The following LTBP1 variants were observed in gnomAD, a reference collection of about 807,000 sequenced individuals.
LTBP1 encodes latent transforming growth factor beta binding protein 1.
In LTBP1, 129 loss-of-function variants were observed where a neutral mutation model predicts 207.6. The ratio of observed to expected loss-of-function variants is 0.62; its 90% CI spans 0.54 to 0.72. The LOEUF is 0.72. Ranked by LOEUF, LTBP1 falls within the 30% of genes least tolerant of loss-of-function variation. The pLI is 0.00. For missense variants in LTBP1, 2,281 were observed against 2,217.2 expected (o/e 1.03, Z -0.58); for synonymous variants, 963 against 833.7 (o/e 1.16, Z -2.67).
At chr2:33,350,676 G>C (rs2094769075) in intron 26 of LTBP1, among the ~76,000 whole-genome samples, 1 of 152,148 alleles carries the variant, frequency 6.6e-6, no homozygotes, top group African/African-American at 2.4e-5. Flanking sequence ...TTGCCTAAAA[G>C]CATCTGAAAA....
intron 31 of LTBP1, among the ~76,000 whole-genome samples, chr2:33,383,915 G>A (rs192024457): frequency 2.6e-5 from 4 of 152,304 alleles, no homozygotes. Context: ...AAACTTCAGA[G>A]CGTTGCATTT....
chr2:33,060,833 C>T (rs1460083028), intron 3 of LTBP1, among the ~76,000 whole-genome samples: 1 of 152,032 alleles, frequency 6.6e-6, no homozygotes, highest in Non-Finnish European at 1.5e-5. Flanking sequence ...TTAAAAAACT[C>T]ATGTTATAGT....
rs534886132 is a variant in LTBP1, at chr2:32,969,025, G to A, written c.565+20080G>A. Among the ~76,000 whole-genome samples, 6 of 150,212 alleles carry A rather than the reference G, an allele frequency of 4.0e-5. No homozygotes were observed. In the East Asian group the frequency reaches 5.9e-4, roughly 15 times the overall value. ...TGCCTCCTGGGCTCAAGCAGGGCTC[G>A]AGCAATTCCCCTGCCTCAGCCTCCC... On this transcript the variant is annotated intron_variant, in intron 2 of 33. Coordinates refer to ENST00000404816, the MANE Select transcript of LTBP1 (RefSeq NM_206943.4).
chr2:33,279,499 C>T (rs143548385), intron 18 of LTBP1, among the ~76,000 whole-genome samples: 1 of 138,752 alleles, frequency 7.2e-6, no homozygotes, highest in East Asian at 2.0e-4. Context: ...GATGAGTTCA[C>T]TCTCTCCTCA....
At chr2:33,055,393 G>T (rs1024320786) in intron 3 of LTBP1, among the ~76,000 whole-genome samples, 2 of 152,126 alleles carry the variant, frequency 1.3e-5, no homozygotes, top group Admixed American at 6.6e-5. Context: ...TAATTCATGG[G>T]CTTTTTTTCT....
intron 20 of LTBP1, among the ~76,000 whole-genome samples, chr2:33,293,484 A>G (rs2093814774): frequency 1.3e-5 from 2 of 152,282 alleles, no homozygotes; most frequent in South Asian, 2.1e-4. Context: ...AAGGGAAACG[A>G]TGTATTTTTA....
intron 2 of LTBP1, among the ~76,000 whole-genome samples, chr2:32,953,769 G>C (rs1376587787): frequency 1.3e-5 from 2 of 152,164 alleles, no homozygotes; most frequent in Non-Finnish European, 2.9e-5. Context: ...ACAGGGTTTT[G>C]CTGTTTCTGA....
chr2:33,240,854 G>T (rs571157698), intron 9 of LTBP1, among the ~76,000 whole-genome samples: 2 of 152,008 alleles, frequency 1.3e-5, no homozygotes, highest in East Asian at 3.9e-4. Flanking sequence ...GTTTCACTGT[G>T]TTAGCCAGGA....
intron 20 of LTBP1, among the ~76,000 whole-genome samples, chr2:33,295,779 A>G (rs946145439): frequency 3.9e-5 from 6 of 152,154 alleles, no homozygotes; most frequent in Non-Finnish European, 7.4e-5. Flanking sequence ...TCTTGATGTA[A>G]GTGAAGGATG....
chr2:33,299,107 C>G (rs969110834), intron 20 of LTBP1, among the ~76,000 whole-genome samples: 1 of 151,920 alleles, frequency 6.6e-6, no homozygotes, highest in Non-Finnish European at 1.5e-5. Context: ...AACTCCCTCT[C>G]TACTAAAAAT....
At chr2:33,167,478 G>A (rs1184089692) in intron 5 of LTBP1, among the ~76,000 whole-genome samples, 1 of 152,164 alleles carries the variant, frequency 6.6e-6, no homozygotes, top group Admixed American at 6.5e-5. Flanking sequence ...CTTTCTTTCT[G>A]GAACTCATAT....
At chr2:33,362,339 C>A (rs903275601) in intron 28 of LTBP1, among the ~76,000 whole-genome samples, 2 of 152,000 alleles carry the variant, frequency 1.3e-5, no homozygotes, top group Admixed American at 1.3e-4. Flanking sequence ...CATTTGTGTT[C>A]TTTTAAATAC....
In LTBP1 at chr2:33,375,680, A is replaced by G. The variant is rs568527321; in HGVS notation, c.4711+10177A>G. ...GTAGCTGGGACCACAGGCGCCCGCC[A>G]CCATGCCCGGCTAATTTTTTTGTAT... On this transcript the variant is annotated intron_variant, in intron 31 of 33. Coordinates refer to ENST00000404816, the MANE Select transcript of LTBP1 (RefSeq NM_206943.4). 1.5e-4 allele frequency among the ~76,000 whole-genome samples: 22 copies of G among 148,364 alleles called. No homozygotes were observed. The East Asian group carries it at 3.9e-3, about 26-fold the overall frequency.
At chr2:33,123,212 A>G (rs996876108) in intron 4 of LTBP1, among the ~76,000 whole-genome samples, 1 of 152,152 alleles carries the variant, frequency 6.6e-6, no homozygotes, top group Non-Finnish European at 1.5e-5. Flanking sequence ...CTAGGACCTG[A>G]TGGTATTGCT....
At chr2:32,955,394 C>T (rs1677911572) in intron 2 of LTBP1, among the ~76,000 whole-genome samples, 1 of 152,170 alleles carries the variant, frequency 6.6e-6, no homozygotes, top group Non-Finnish European at 1.5e-5. Context: ...TGGAAATTTG[C>T]AAAATTGTTG....
At chr2:33,111,961 C>T (rs936923548) in intron 4 of LTBP1, among the ~76,000 whole-genome samples, 4 of 151,972 alleles carry the variant, frequency 2.6e-5, no homozygotes, top group Admixed American at 6.6e-5. Flanking sequence ...CTTAAAGAGC[C>T]GTTTCTCTTA....
At chr2:33,158,391 A>C (rs116069854) in intron 5 of LTBP1, among the ~76,000 whole-genome samples, 2,282 of 152,288 alleles carry the variant, frequency 0.015, 23 homozygotes, top group East Asian at 0.027. Context: ...CCCATCCCAG[A>C]CACAGAAGGC....
intron 2 of LTBP1, 126 bp downstream of exon 2, chr2:32,949,071 C>T: frequency 2.3e-6 from 2 of 881,802 alleles, no homozygotes; most frequent in Admixed American, 2.0e-5. Context: ...ATACAATCCA[C>T]CCAGGCTTCA....
At chr2:33,023,234 A>G (rs1398560207) in intron 3 of LTBP1, among the ~76,000 whole-genome samples, 1 of 152,246 alleles carries the variant, frequency 6.6e-6, no homozygotes, top group Non-Finnish European at 1.5e-5. Flanking sequence ...ATTATGACTT[A>G]CATAAACTGT....
Sources: allele counts gnomAD v4.1 joint callset (sites outside exome capture counted in the v4.1 genomes callset), GRCh38; gene constraint gnomAD v4.1.1; transcripts MANE v1.5; gene names NCBI Gene and HGNC (gene_info 2026-07-23, HGNC 2026-07-21).